SNTB1: variants seen among roughly 807,000 people sequenced by gnomAD.
SNTB1 encodes the protein beta-1-syntrophin.
In SNTB1, 36 loss-of-function variants were observed where a neutral mutation model predicts 48.9. The observed-to-expected ratio is 0.74, with a 90% CI of 0.56 to 0.97. The LOEUF (loss-of-function observed/expected upper bound fraction) is 0.97. Ranked by LOEUF, SNTB1 falls within the 50% of genes least tolerant of loss-of-function variation. The pLI is 0.00. For synonymous variants in SNTB1, 299 were observed against 294.6 expected, an observed-to-expected ratio of 1.01 and a Z score of -0.15; for missense variants, 786 against 703.4, an observed-to-expected ratio of 1.12 and a Z score of -1.33.
At chr8:120,545,400 G>A (rs192533425) in intron 5 of SNTB1, among the ~76,000 whole-genome samples, 4 of 152,186 alleles carry the variant, frequency 2.6e-5, no homozygotes, top group South Asian at 4.1e-4. Flanking sequence ...GGCGTTATAC[G>A]ACTCAAAGAG....
intron 1 of SNTB1, chr8:120,776,544 G>C (rs1819738933): frequency 6.6e-6 from 1 of 152,190 alleles, no homozygotes; most frequent in Admixed American, 6.5e-5. Flanking sequence ...TGAAATGCCA[G>C]AGCAGGATTA....
intron 3 of SNTB1, among the ~76,000 whole-genome samples, chr8:120,593,641 C>T (rs745439245): frequency 2.6e-5 from 4 of 152,080 alleles, no homozygotes; most frequent in Admixed American, 6.5e-5. Context: ...GTCTTATAAG[C>T]GGTATTTGCA....
intron 1 of SNTB1, among the ~76,000 whole-genome samples, chr8:120,806,530 G>A (rs1485368530): frequency 1.3e-5 from 2 of 152,102 alleles, no homozygotes; most frequent in African/African-American, 2.4e-5. Flanking sequence ...TTCTATTGAT[G>A]TTTAAACTTA....
At chr8:120,770,551 C>T (rs138789701) in intron 1 of SNTB1, among the ~76,000 whole-genome samples, 1 of 152,092 alleles carries the variant, frequency 6.6e-6, no homozygotes, top group South Asian at 2.1e-4. Flanking sequence ...GTGGCTCACA[C>T]CTGTAATCCC....
intron 1 of SNTB1, among the ~76,000 whole-genome samples, chr8:120,746,290 T>G (rs1182270628): frequency 6.6e-6 from 1 of 152,208 alleles, no homozygotes; most frequent in African/African-American, 2.4e-5. Context: ...CGTATGATTT[T>G]CTTAATAACA....
At chr8:120,558,434 C>T (rs1815603722) in intron 4 of SNTB1, among the ~76,000 whole-genome samples, 1 of 152,186 alleles carries the variant, frequency 6.6e-6, no homozygotes, top group Admixed American at 6.5e-5. Context: ...TTGAGAAACC[C>T]AAGGACATGC....
chr8:120,697,201 C>T (rs1818226436), intron 1 of SNTB1, among the ~76,000 whole-genome samples: 1 of 152,194 alleles, frequency 6.6e-6, no homozygotes, highest in Non-Finnish European at 1.5e-5. Flanking sequence ...CCAAATAACC[C>T]TTTCCTATGT....
At position 120,689,273 on chromosome 8, in the gene SNTB1, T is replaced by C. The variant is rs116038204; in HGVS notation, c.788+4419A>G. ...CCCCAAGATGCTGTGGCATTTGTCA[T>C]TGGTTCTCAGGTTTTAGCTCCCAGG... On this transcript the variant is annotated intron_variant, in intron 2 of 6. Transcript: ENST00000517992. Among the ~76,000 whole-genome samples the C allele has an allele frequency of 6.6e-3, 1,003 of 152,268 alleles. 10 individuals are homozygous for C. The highest frequency in any genetic ancestry group is 0.023 in the African/African-American group (940 of 41,548).
chr8:120,572,119 T>G (rs1439112444), intron 4 of SNTB1, among the ~76,000 whole-genome samples: 1 of 152,182 alleles, frequency 6.6e-6, no homozygotes, highest in Non-Finnish European at 1.5e-5. Flanking sequence ...ATTCTTGCTC[T>G]GCTACTGGGT....
chr8:120,716,520 C>G (rs1818560675), intron 1 of SNTB1, among the ~76,000 whole-genome samples: 1 of 152,198 alleles, frequency 6.6e-6, no homozygotes. Flanking sequence ...AATACACATC[C>G]TCCCTCACTT....
At chr8:120,566,121 G>A (rs1293121771) in intron 4 of SNTB1, among the ~76,000 whole-genome samples, 1 of 152,062 alleles carries the variant, frequency 6.6e-6, no homozygotes, top group Non-Finnish European at 1.5e-5. Flanking sequence ...ATAGAGACAG[G>A]TTGTGGTGTC....
At chr8:120,700,879 G>A (rs1045605360) in intron 1 of SNTB1, among the ~76,000 whole-genome samples, 4 of 151,960 alleles carry the variant, frequency 2.6e-5, no homozygotes, top group East Asian at 1.9e-4. Context: ...ATGTGTTCAA[G>A]TTTTCTTAAA....
At chr8:120,640,693 G>A (rs1013794139) in intron 2 of SNTB1, among the ~76,000 whole-genome samples, 37 of 152,198 alleles carry the variant, frequency 2.4e-4, no homozygotes, top group Non-Finnish European at 3.2e-4. Context: ...ATTGATTTGC[G>A]TATGTTGAAC....
chr8:120,738,763 T>C (rs1354881618), intron 1 of SNTB1, among the ~76,000 whole-genome samples: 1 of 152,170 alleles, frequency 6.6e-6, no homozygotes, highest in Non-Finnish European at 1.5e-5. Context: ...ATACAAGCTA[T>C]CTAGCCTCAG....
intron 1 of SNTB1, among the ~76,000 whole-genome samples, chr8:120,734,718 A>G (rs1818913848): frequency 6.6e-6 from 1 of 152,186 alleles, no homozygotes; most frequent in South Asian, 2.1e-4. Context: ...ATGCTGAAAC[A>G]CAGCTTGGTG....
At chr8:120,785,489 T>C (rs572261581) in intron 1 of SNTB1, among the ~76,000 whole-genome samples, 79 of 152,318 alleles carry the variant, frequency 5.2e-4, no homozygotes, top group Admixed American at 3.0e-3. Context: ...GCAGATCATT[T>C]TGTGCAGTGG....
intron 1 of SNTB1, among the ~76,000 whole-genome samples, chr8:120,701,463 TA>T (rs1342613532): frequency 1.3e-5 from 2 of 152,094 alleles, no homozygotes; most frequent in East Asian, 1.9e-4. Context: ...CTGACAACAT[TA>T]AAAAAAGAAT....
At chr8:120,748,394 A>T (rs141029736) in intron 1 of SNTB1, among the ~76,000 whole-genome samples, 26 of 152,314 alleles carry the variant, frequency 1.7e-4, no homozygotes, top group African/African-American at 5.8e-4. Flanking sequence ...TGGGAACTGC[A>T]GTGTGGAAAT....
At chr8:120,628,035 T>C (rs1816912912) in intron 3 of SNTB1, among the ~76,000 whole-genome samples, 1 of 152,206 alleles carries the variant, frequency 6.6e-6, no homozygotes, top group Admixed American at 6.5e-5. Flanking sequence ...CACAACTACA[T>C]AAACGTTCCC....
Sources: gnomAD v4.1 joint callset for allele counts (sites outside exome capture counted in the v4.1 genomes callset) on GRCh38, gnomAD v4.1.1 for gene constraint, MANE v1.5 for transcripts, NCBI Gene and HGNC (gene_info 2026-07-23, HGNC 2026-07-21) for gene names.